The following COL7A1 variants were observed in gnomAD, a reference collection of about 807,000 sequenced individuals.
COL7A1 encodes the protein collagen alpha-1(VII) chain.
COL7A1 carries 296 observed loss-of-function variants against 456.2 expected under a neutral mutation model. The observed-to-expected ratio is 0.65, with a 90% CI of 0.59 to 0.71. The LOEUF (loss-of-function observed/expected upper bound fraction) is 0.71. Ranked by LOEUF, COL7A1 falls within the 30% of genes least tolerant of loss-of-function variation. COL7A1 has a pLI of 0.00. For synonymous variants in COL7A1, 1,464 were observed against 1,525.9 expected, an observed-to-expected ratio of 0.96 and a Z score of 0.95; for missense variants, 3,441 against 4,017.2, an observed-to-expected ratio of 0.86 and a Z score of 3.88.
Position 48,586,680 on chromosome 3 carries a change from G to A in COL7A1, c.3286C>T (p.Leu1096=). 1 of 1,591,990 alleles carries A rather than the reference G, an allele frequency of 6.3e-7. No individual in the cohort carries two copies. ...LGPQAVQVGL[L]SYSHRPSPLF... is the part of the protein sequence containing the mutation. ...GGGGAGGGCCGATGACTGTAAGACA[G>A]CAGGCCAACCTGGGGTGGAAGGAAA... The change falls in exon 26 of 119, where the codon CTG becomes TTG. Residue 1096 remains leucine (L), a synonymous_variant. Transcript: ENST00000681320. This position sits in a 1 kb window ranked among gnomAD's most constrained non-coding sequence, Gnocchi z 5.1.
At position 48,581,169 on chromosome 3, in the gene COL7A1, G is replaced by A; in HGVS notation, c.4900-12C>T. 1.9e-6 allele frequency: 3 copies of A among 1,613,778 alleles called. No individual in the cohort carries two copies. The highest frequency in any genetic ancestry group is 1.7e-5 in the Admixed American group (1 of 59,992). Reference sequence around the variant, plus strand: ...TCTCCAACTTCACCCTGTGAAACATGAGAGTCAGCCCTGGTTCCAAGAACC... The same window carrying A: ...TCTCCAACTTCACCCTGTGAAACATAAGAGTCAGCCCTGGTTCCAAGAACC... On this transcript the variant is annotated splice_polypyrimidine_tract_variant and intron_variant, in intron 52 of 118. Transcript: ENST00000681320. The surrounding 1 kb of genome is among the most constrained non-coding windows in gnomAD (Gnocchi z 5.8).
Position 48,588,507 on chromosome 3 carries a change from C to T in COL7A1, c.2588-103G>A. 1 of 1,597,604 alleles carries T rather than the reference C, an allele frequency of 6.3e-7. No homozygotes were observed. Among genetic ancestry groups the T allele is most frequent in the Non-Finnish European group, 8.5e-7 (1 of 1,174,196 alleles). On this transcript the variant is annotated intron_variant, in intron 20 of 118. Transcript: ENST00000681320. The surrounding 1 kb of genome is among the most constrained non-coding windows in gnomAD (Gnocchi z 4.6). ...GCACCCCGCCCAGCCTCTCAGACCC[C>T]TCTCCCTCCTCTCAGACCCTGCCCC...
chr3:48,584,447 C>G lies in COL7A1; in HGVS notation c.4119+38G>C, dbSNP rs546949709. On this transcript the variant is annotated intron_variant, in intron 36 of 118. Transcript: ENST00000681320. ...CTCGCCCCCCTCGTGTTGGTCCCCC[C>G]ACTACACATCACTTGCCTCCACATA... The G allele has an allele frequency of 1.3e-4, 207 of 1,613,656 alleles. 1 individual carries two copies. The South Asian group carries it at 2.2e-3, about 17-fold the overall frequency.
Position 48,586,127 on chromosome 3 carries a change from G to A in COL7A1, c.3670C>T (p.Gln1224Ter). ...FAVDDGPSLD[Q>*]AVSGLATALC... The stretch of plus-strand genomic sequence containing the variant: ...GCTGTGGCCAGACCACTGACTGCCT[G>A]GTCCAGGCTTGGCCCATCATCCACG... The change falls in exon 28 of 119, where the codon CAG (glutamine) becomes TAG (stop). Residue 1224 changes from glutamine to a stop codon, truncating the protein, a stop_gained. Transcript: ENST00000681320. LOFTEE classifies it high-confidence loss of function. The surrounding 1 kb of genome is among the most constrained non-coding windows in gnomAD (Gnocchi z 5.1). 1 of 1,613,502 alleles carries A rather than the reference G, an allele frequency of 6.2e-7. No individual in the cohort carries two copies. The highest frequency in any genetic ancestry group is 1.1e-5 in the South Asian group (1 of 91,088).
In COL7A1 at chr3:48,570,833, CCCCTACA is replaced by C. The variant is rs1246621927; in HGVS notation, c.7272+21_7272+27del. On this transcript the variant is annotated intron_variant, in intron 95 of 118. Coordinates refer to ENST00000681320, the MANE Select transcript of COL7A1 (RefSeq NM_000094.4). The surrounding 1 kb of genome is among the most constrained non-coding windows in gnomAD (Gnocchi z 5.5). Reference sequence around the variant, plus strand: ...CCTCACCCACCATGGATTCACCATGCCCCTACATGCTGTTCCCAGCCCCTCACCCGCT... The same window carrying C: ...CCTCACCCACCATGGATTCACCATGCTGCTGTTCCCAGCCCCTCACCCGCT... 1.4e-5 allele frequency: 23 copies of C among 1,590,148 alleles called. No individual in the cohort carries two copies. Among genetic ancestry groups the C allele is most frequent in the Non-Finnish European group, 1.9e-5 (22 of 1,168,008 alleles).
At position 48,585,963 on chromosome 3, in the gene COL7A1, G is replaced by A. The variant is rs750322094; in HGVS notation, c.3736C>T (p.Pro1246Ser). ...ACCTTTGGACAATACACTGGGCAGG[G>A]CTCTGGCCGGGGCTGCGGACATAGG... Reference protein sequence around the residue: ...ASFTTQPRPEPCPVYCPKGQK... With the variant: ...ASFTTQPRPESCPVYCPKGQK... Residue 1246 changes from proline (P) to serine (S), a missense_variant, in exon 29 of 119, where the codon CCC (proline) becomes TCC (serine). Physicochemically the swap from Pro to Ser is moderately conservative, Grantham distance 74. Coordinates refer to ENST00000681320, the MANE Select transcript of COL7A1 (RefSeq NM_000094.4). The surrounding 1 kb of genome is among the most constrained non-coding windows in gnomAD (Gnocchi z 4.5). The A allele has an allele frequency of 6.2e-7, 1 of 1,614,012 alleles. No individual in the cohort carries two copies.
chr3:48,578,930 G>A lies in COL7A1; in HGVS notation c.5413C>T (p.Pro1805Ser), dbSNP rs2107694745. The change falls in exon 63 of 119, where the codon CCA (proline) becomes TCA (serine). Residue 1805 changes from proline (P) to serine (S), a missense_variant. Pro to Ser is a moderately conservative substitution (Grantham distance 74). Around this residue, in one of 3 missense-constraint regions of COL7A1, gnomAD observed 2,084 missense variants for 2,501.3 expected, o/e 0.83. Transcript: ENST00000681320. The surrounding 1 kb of genome is among the most constrained non-coding windows in gnomAD (Gnocchi z 4.7). ...CTCCCCTCACTTACGTCTCTCCCTG[G>A]GTCCCCAGCTTTGCCTGCAGCACCC... The part of the protein sequence containing the change: ...PNGAAGKAGD[P>S]GRDGLPGLRG... 1.2e-6 allele frequency: 2 copies of A among 1,613,920 alleles called. No homozygotes were observed. Among genetic ancestry groups the A allele is most frequent in the East Asian group, 2.2e-5 (1 of 44,888 alleles).
Position 48,593,500 on chromosome 3 carries a change from G to T in COL7A1, c.426+37C>A, listed in dbSNP as rs2045857913. 1 of 1,614,106 alleles carries T rather than the reference G, an allele frequency of 6.2e-7. No homozygotes were observed. The highest frequency in any genetic ancestry group is 1.3e-5 in the African/African-American group (1 of 75,032). ...ACGGTTCCCCTGGACACTTCATTTG[G>T]GGTCATCTTGGGAGGCATGGTAGGG... On this transcript the variant is annotated intron_variant, in intron 4 of 118. Coordinates refer to ENST00000681320, the MANE Select transcript of COL7A1 (RefSeq NM_000094.4). This position sits in a 1 kb window ranked among gnomAD's most constrained non-coding sequence, Gnocchi z 4.4.
At position 48,564,879 on chromosome 3, in the gene COL7A1, C is replaced by T. The variant is rs775022154; in HGVS notation, c.8722G>A (p.Val2908Ile). 6.2e-7 allele frequency: 1 copy of T among 1,614,174 alleles called. No homozygotes were observed. Among genetic ancestry groups the T allele is most frequent in the Non-Finnish European group, 8.5e-7 (1 of 1,180,020 alleles). Reference protein sequence around the residue: ...TGSTEACHPFVYGGCGGNANR... With the variant: ...TGSTEACHPFIYGGCGGNANR... ...GCATTCCCTCCACAGCCACCATAGA[C>T]AAAAGGGTGACAGGCCTCTGTGCTG... The change falls in exon 118 of 119, where the codon GTC (valine) becomes ATC (isoleucine). Residue 2908 changes from valine (V) to isoleucine (I), a missense_variant. By Grantham distance (29) the Val-to-Ile change is conservative. Around this residue, in one of 3 missense-constraint regions of COL7A1, gnomAD observed 2,084 missense variants for 2,501.3 expected, o/e 0.83. Coordinates refer to ENST00000681320, the MANE Select transcript of COL7A1 (RefSeq NM_000094.4). The surrounding 1 kb of genome is among the most constrained non-coding windows in gnomAD (Gnocchi z 6.0).
chr3:48,590,344 C>A lies in COL7A1; in HGVS notation c.1919G>T (p.Ser640Ile). 1 of 1,614,110 alleles carries A rather than the reference C, an allele frequency of 6.2e-7. No homozygotes were observed. The highest frequency in any genetic ancestry group is 8.5e-7 in the Non-Finnish European group (1 of 1,180,002). ...SWSTGSGPES[S>I]QTLPPDSTAT... ...AGTAGAGTCTGGGGGCAGTGTCTGGCTGGACTCCGGACCTGAGGTCAGAGG... is the reference window on the plus strand; with the variant it reads ...AGTAGAGTCTGGGGGCAGTGTCTGGATGGACTCCGGACCTGAGGTCAGAGG... The change falls in exon 16 of 119, where the codon AGC becomes ATC. Residue 640 changes from serine (S) to isoleucine (I), a missense_variant. This residue lies in a region of COL7A1 where 913 missense variants were observed against 1,088.2 expected (regional missense o/e 0.84). Coordinates refer to ENST00000681320, the MANE Select transcript of COL7A1 (RefSeq NM_000094.4). The surrounding 1 kb of genome is among the most constrained non-coding windows in gnomAD (Gnocchi z 4.6).
rs1389113261 is a variant in COL7A1 at position 48,569,710 on chromosome 3, C to T, written c.7557+15G>A. The T allele has an allele frequency of 1.2e-6, 2 of 1,614,174 alleles. No individual in the cohort carries two copies. Among genetic ancestry groups the T allele is most frequent in the Non-Finnish European group, 1.7e-6 (2 of 1,180,022 alleles). On this transcript the variant is annotated intron_variant, in intron 101 of 118. Coordinates refer to ENST00000681320, the MANE Select transcript of COL7A1 (RefSeq NM_000094.4). This position sits in a 1 kb window ranked among gnomAD's most constrained non-coding sequence, Gnocchi z 4.9. ...ACCCTGGCCCCTGCCCTGCCCTCCCCATGCCCACACTCACCTTGTCACCCT... is the reference window on the plus strand; with the variant it reads ...ACCCTGGCCCCTGCCCTGCCCTCCCTATGCCCACACTCACCTTGTCACCCT...
rs144788938 is a variant in COL7A1, at chr3:48,570,916, G to A, written c.7217C>T (p.Pro2406Leu). 369 of 1,613,656 alleles carry A rather than the reference G, an allele frequency of 2.3e-4. 1 individual carries two copies. The highest frequency in any genetic ancestry group is 8.5e-4 in the East Asian group (38 of 44,866). The change falls in exon 95 of 119, where the codon CCG (proline) becomes CTG (leucine). Residue 2406 changes from proline to leucine, a missense_variant. Physicochemically the swap from Pro to Leu is moderately conservative, Grantham distance 98. This residue lies in a region of COL7A1 where 2,084 missense variants were observed against 2,501.3 expected (regional missense o/e 0.83). Transcript: ENST00000681320. This position sits in a 1 kb window ranked among gnomAD's most constrained non-coding sequence, Gnocchi z 5.5. The stretch of plus-strand genomic sequence containing the variant: ...CTCTCCTCGAGGGCCTGTCTGACCC[G>A]GGAACCCAACAACACCAGGAGCACC... Reference protein sequence around the residue: ...LPGAPGVVGFPGQTGPRGEMG... With the variant: ...LPGAPGVVGFLGQTGPRGEMG...
In COL7A1 at chr3:48,593,163, T is replaced by C. The variant is rs1389389358; in HGVS notation, c.621A>G (p.Leu207=). 1 of 1,614,046 alleles carries C rather than the reference T, an allele frequency of 6.2e-7. No homozygotes were observed. Among genetic ancestry groups the C allele is most frequent in the South Asian group, 1.1e-5 (1 of 91,068 alleles). ...ACACTCTCCGGGAAACGAGGGGCAGTAGTGTCCTCAAGATGCTGAAGTCAT... is the reference window on the plus strand; with the variant it reads ...ACACTCTCCGGGAAACGAGGGGCAGCAGTGTCCTCAAGATGCTGAAGTCAT... ...FVNDFSILRT[L]LPLVSRRVCT... Residue 207 remains leucine, a synonymous_variant, in exon 6 of 119, where the codon CTA becomes CTG. Transcript: ENST00000681320. This position sits in a 1 kb window ranked among gnomAD's most constrained non-coding sequence, Gnocchi z 4.4.
intron 44 of COL7A1, 29 bp downstream of exon 44, chr3:48,582,984 G>A (rs760308128): frequency 1.2e-6 from 2 of 1,614,024 alleles, no homozygotes; most frequent in East Asian, 2.2e-5. Flanking sequence ...CAGGTCAGCT[G>A]GTATGAGCAT....
rs142298581 is a variant in COL7A1, at chr3:48,574,713, C to T, written c.6357G>A (p.Pro2119=). ...TGGGACCTTGGTCACCATTGCTGCC[C>T]GGCTCCCCCTGTGGGGATGAGATGT... is the stretch of plus-strand genomic sequence containing the variant. ...PPGLKGAKGE[P]GSNGDQGPKG... is the part of the protein sequence containing the mutation. The change falls in exon 78 of 119, where the codon CCG becomes CCA. Residue 2119 remains proline, a synonymous_variant. Coordinates refer to ENST00000681320, the MANE Select transcript of COL7A1 (RefSeq NM_000094.4). This position sits in a 1 kb window ranked among gnomAD's most constrained non-coding sequence, Gnocchi z 5.0. 3.2e-4 allele frequency: 515 copies of T among 1,613,920 alleles called. 3 individuals carry two copies. The East Asian group carries it at 9.9e-3, about 31-fold the overall frequency.
chr3:48,589,670 G>A lies in COL7A1; in HGVS notation c.2099C>T (p.Ser700Leu), dbSNP rs781667737. The change falls in exon 17 of 119, where the codon TCA becomes TTA. Residue 700 changes from serine (S) to leucine (L), a missense_variant. Ser to Leu is a moderately radical substitution (Grantham distance 145). Coordinates refer to ENST00000681320, the MANE Select transcript of COL7A1 (RefSeq NM_000094.4). ...CCTGGTCCAGGTAATGGTGACAGATGAGCTGCTGGCCTGAGTCACATGGAC... is the reference window on the plus strand; with the variant it reads ...CCTGGTCCAGGTAATGGTGACAGATAAGCTGCTGGCCTGAGTCACATGGAC... ...RTVHVTQASS[S>L]SVTITWTRVP... 1.9e-6 allele frequency: 3 copies of A among 1,614,062 alleles called. No individual in the cohort carries two copies. In the South Asian group the frequency reaches 3.3e-5, roughly 18 times the overall value.
rs776932495 is a variant in COL7A1, at chr3:48,587,214, C to T, written c.3115G>A (p.Glu1039Lys). ...CCTGGCGTCTGTGTGACAGATGCCTCAGGACCCCGCACACCATCCAGGACA... is the reference window on the plus strand; with the variant it reads ...CCTGGCGTCTGTGTGACAGATGCCTTAGGACCCCGCACACCATCCAGGACA... Reference protein sequence around the residue: ...TPVLDGVRGPEASVTQTPVCP... With the variant: ...TPVLDGVRGPKASVTQTPVCP... Residue 1039 changes from glutamate to lysine, a missense_variant, in exon 24 of 119, where the codon GAG becomes AAG. Glu to Lys is a moderately conservative substitution (Grantham distance 56, BLOSUM62 1). Coordinates refer to ENST00000681320, the MANE Select transcript of COL7A1 (RefSeq NM_000094.4). The surrounding 1 kb of genome is among the most constrained non-coding windows in gnomAD (Gnocchi z 6.1). 2.5e-6 allele frequency: 4 copies of T among 1,613,634 alleles called. No homozygotes were observed. The highest frequency in any genetic ancestry group is 1.6e-4 in the Middle Eastern group (1 of 6,062).
Position 48,585,757 on chromosome 3 carries a change from C to T in COL7A1, c.3787-23G>A. 1.2e-6 allele frequency: 2 copies of T among 1,614,044 alleles called. No homozygotes were observed. Among genetic ancestry groups the T allele is most frequent in the Non-Finnish European group, 1.7e-6 (2 of 1,180,022 alleles). ...GCCCTAGGAAGGGTAATCAGTGAGACCTGTGCTGCCAACCTCTCCTGCCCC... is the reference window on the plus strand; with the variant it reads ...GCCCTAGGAAGGGTAATCAGTGAGATCTGTGCTGCCAACCTCTCCTGCCCC... On this transcript the variant is annotated intron_variant, in intron 30 of 118. Coordinates refer to ENST00000681320, the MANE Select transcript of COL7A1 (RefSeq NM_000094.4). The surrounding 1 kb of genome is among the most constrained non-coding windows in gnomAD (Gnocchi z 4.5).
chr3:48,582,939 C>G lies in COL7A1; in HGVS notation c.4518+74G>C, dbSNP rs2044879991. On this transcript the variant is annotated intron_variant, in intron 44 of 118. Transcript: ENST00000681320. Reference sequence around the variant, plus strand: ...GGTGAGGAGCAGGGGTAGCAGGGGTCAAGGGCAAGAAGTCAGAACCAGAAA... The same window carrying G: ...GGTGAGGAGCAGGGGTAGCAGGGGTGAAGGGCAAGAAGTCAGAACCAGAAA... 3 of 1,608,918 alleles carry G rather than the reference C, an allele frequency of 1.9e-6. No homozygotes were observed. The South Asian group carries it at 3.3e-5, about 18-fold the overall frequency.
Sources: gnomAD v4.1 joint callset for allele counts on GRCh38, gnomAD v4.1.1 for gene constraint, gnomAD v4.1.1 regional missense constraint, Gnocchi (gnomAD v3.1) non-coding constraint, MANE v1.5 for transcripts, NCBI Gene and HGNC (gene_info 2026-07-23, HGNC 2026-07-21) for gene names.